ZBTB20: variants seen among roughly 807,000 people sequenced by gnomAD.
ZBTB20 encodes zinc finger and BTB domain containing 20.
ZBTB20 carries 9 observed loss-of-function variants against 56.9 expected under a neutral mutation model. The observed-to-expected ratio is 0.16, with a 90% CI of 0.10 to 0.28. The LOEUF (loss-of-function observed/expected upper bound fraction) is 0.28, where lower values mean the gene tolerates loss of function less well. ZBTB20 is among the 10% of genes least tolerant of loss of function. ZBTB20 has a pLI of 1.00. For missense variants in ZBTB20, 655 were observed against 1,003.0 expected (o/e 0.65, Z 4.69); for synonymous variants, 417 against 420.7 (o/e 0.99, Z 0.11).
chr3:114,688,843 C>T (rs778152915), intron 6 of ZBTB20, among the ~76,000 whole-genome samples: 6 of 152,014 alleles, frequency 3.9e-5, no homozygotes, highest in Admixed American at 2.0e-4. Flanking sequence ...TACTTTTGAC[C>T]GAAATGTATA....
intron 6 of ZBTB20, chr3:114,527,281 G>A (rs567416138): frequency 6.6e-6 from 1 of 152,290 alleles, no homozygotes; most frequent in Non-Finnish European, 1.5e-5. Context: ...GCAAATCTTA[G>A]GGAGCAGAAT....
intron 6 of ZBTB20, among the ~76,000 whole-genome samples, chr3:114,567,060 T>C (rs1444869613): frequency 6.6e-6 from 1 of 152,178 alleles, no homozygotes; most frequent in Non-Finnish European, 1.5e-5. Flanking sequence ...ATTTTCCTGA[T>C]GTGTGATGGC....
At chr3:114,538,373 T>A (rs1447909089) in intron 6 of ZBTB20, among the ~76,000 whole-genome samples, 2 of 152,166 alleles carry the variant, frequency 1.3e-5, no homozygotes, top group East Asian at 3.8e-4. Context: ...CTATATAGTA[T>A]CTGTGGTCCT....
At chr3:114,840,913 C>T (rs1363994403) in intron 4 of ZBTB20, among the ~76,000 whole-genome samples, 1 of 152,034 alleles carries the variant, frequency 6.6e-6, no homozygotes, top group East Asian at 1.9e-4. Flanking sequence ...ATCTTTCTTA[C>T]TTTTCTAGCA....
intron 2 of ZBTB20, among the ~76,000 whole-genome samples, chr3:115,046,146 A>C (rs1310128934): frequency 6.6e-6 from 1 of 152,180 alleles, no homozygotes; most frequent in African/African-American, 2.4e-5. Context: ...GTTCTAGATA[A>C]TTTGCAATAA....
intron 2 of ZBTB20, among the ~76,000 whole-genome samples, chr3:115,042,440 G>C (rs896827756): frequency 6.6e-5 from 10 of 152,158 alleles, no homozygotes; most frequent in Non-Finnish European, 1.3e-4. Context: ...TTTAGGTCTT[G>C]AAAAAGAATA....
intron 6 of ZBTB20, among the ~76,000 whole-genome samples, chr3:114,557,925 T>G (rs187262393): frequency 6.6e-6 from 1 of 152,062 alleles, no homozygotes; most frequent in African/African-American, 2.4e-5. Flanking sequence ...TTTCAGTTGG[T>G]TGACAAGGAA....
chr3:114,531,635 G>T (rs532055141), intron 6 of ZBTB20, among the ~76,000 whole-genome samples: 1 of 152,272 alleles, frequency 6.6e-6, no homozygotes, highest in East Asian at 1.9e-4. Context: ...GAGAAGTTTT[G>T]CTTGCTGCTG....
At chr3:115,032,114 C>T (rs946217471) in intron 2 of ZBTB20, among the ~76,000 whole-genome samples, 10 of 151,198 alleles carry the variant, frequency 6.6e-5, no homozygotes, top group African/African-American at 2.4e-4. Context: ...TCTGGTGGTC[C>T]TAATCCTTTA....
intron 2 of ZBTB20, among the ~76,000 whole-genome samples, chr3:115,064,669 G>A (rs191499346): frequency 3.4e-4 from 51 of 151,804 alleles, no homozygotes; most frequent in Admixed American, 1.4e-3. Flanking sequence ...GGCTGGTCTC[G>A]AGCTCCTGAC....
At position 114,485,655 on chromosome 3, in the gene ZBTB20, A is replaced by G. The variant is rs1238451587; in HGVS notation, c.-255+14697T>C. ...CCCATGTGATAGTATTAAGAGGTGG[A>G]GTCTTTAGGAAGTGATTAAATCATG... On this transcript the variant is annotated intron_variant, in intron 7 of 11. Coordinates refer to ENST00000675478, the MANE Select transcript of ZBTB20 (RefSeq NM_001348800.3). Among the ~76,000 whole-genome samples the G allele has an allele frequency of 2.0e-5, 3 of 152,168 alleles. No homozygotes were observed. The East Asian group carries it at 5.8e-4, about 29-fold the overall frequency.
At chr3:114,548,685 A>T (rs924414787) in intron 6 of ZBTB20, among the ~76,000 whole-genome samples, 2 of 151,812 alleles carry the variant, frequency 1.3e-5, no homozygotes, top group African/African-American at 4.8e-5. Context: ...TGCCCAGGTA[A>T]TTTTTGTATT....
chr3:114,704,243 T>C (rs2063574455), intron 5 of ZBTB20, among the ~76,000 whole-genome samples: 1 of 152,154 alleles, frequency 6.6e-6, no homozygotes, highest in South Asian at 2.1e-4. Flanking sequence ...AATAATGAAA[T>C]GGTGCTGATC....
intron 11 of ZBTB20, among the ~76,000 whole-genome samples, chr3:114,346,254 T>C (rs1467276277): frequency 1.3e-5 from 2 of 152,198 alleles, no homozygotes; most frequent in Admixed American, 6.5e-5. Context: ...ATGTCAAGCA[T>C]GTATTATTCA....
chr3:114,984,598 G>A (rs796799338), intron 2 of ZBTB20, among the ~76,000 whole-genome samples: 1 of 151,930 alleles, frequency 6.6e-6, no homozygotes, highest in Non-Finnish European at 1.5e-5. Flanking sequence ...CACTATCTCA[G>A]TGTATTCTCT....
chr3:114,787,368 T>TACACACACACAC (rs1300106922), intron 5 of ZBTB20, among the ~76,000 whole-genome samples: 7 of 106,324 alleles, frequency 6.6e-5, no homozygotes, highest in African/African-American at 3.2e-4. Context: ...TATATATATA[T>TACACACACACAC]ACACACACAC....
At chr3:114,512,160 G>T (rs867256785) in intron 6 of ZBTB20, among the ~76,000 whole-genome samples, 1 of 71,596 alleles carries the variant, frequency 1.4e-5, no homozygotes, top group Non-Finnish European at 2.4e-5. Context: ...CAATAAAATA[G>T]ACAGGGATAG....
intron 6 of ZBTB20, among the ~76,000 whole-genome samples, chr3:114,561,093 T>C (rs1023971506): frequency 6.6e-6 from 1 of 152,226 alleles, no homozygotes. Context: ...CTGTTCAAGT[T>C]TGATAATGAA....
At chr3:114,445,190 T>C (rs2091194829) in intron 7 of ZBTB20, among the ~76,000 whole-genome samples, 1 of 152,214 alleles carries the variant, frequency 6.6e-6, no homozygotes, top group Admixed American at 6.5e-5. Flanking sequence ...ACTATCACAC[T>C]GGACAACCAA....
Sources: gnomAD v4.1 joint callset for allele counts (sites outside exome capture counted in the v4.1 genomes callset) on GRCh38, gnomAD v4.1.1 for gene constraint, MANE v1.5 for transcripts, NCBI Gene and HGNC (gene_info 2026-07-23, HGNC 2026-07-21) for gene names.